OSTM1: variants seen among roughly 807,000 people sequenced by gnomAD.
The protein encoded by OSTM1 is osteoclastogenesis associated transmembrane protein 1.
Under a neutral mutation model 35.4 loss-of-function variants are expected in OSTM1, and 26 were observed. That is an observed-to-expected ratio of 0.73 (90% CI 0.54 to 1.02). The LOEUF (loss-of-function observed/expected upper bound fraction) is 1.02, where lower values mean the gene tolerates loss of function less well. OSTM1 is among the 50% of genes least tolerant of loss of function. The pLI, the probability that OSTM1 is intolerant of heterozygous loss-of-function variation, is 0.00. For missense variants in OSTM1, 366 were observed against 409.6 expected (o/e 0.89, Z 0.92); for synonymous variants, 181 against 165.0 (o/e 1.10, Z -0.75).
chr6:108,049,180 C>T, intron 5 of OSTM1, 73 bp downstream of exon 5: 2 of 993,704 alleles, frequency 2.0e-6, no homozygotes, highest in East Asian at 2.6e-5. Flanking sequence ...GAGTAGCTAT[C>T]ATTTCTAAAA....
At position 108,051,112 on chromosome 6, in the gene OSTM1, C is replaced by T; in HGVS notation, c.702G>A (p.Leu234=). 6.2e-7 allele frequency: 1 copy of T among 1,613,312 alleles called. No individual in the cohort carries two copies. Among genetic ancestry groups the T allele is most frequent in the Non-Finnish European group, 8.5e-7 (1 of 1,179,358 alleles). Residue 234 remains leucine (L), a synonymous_variant, in exon 4 of 6, where the codon CTG becomes CTA. Coordinates refer to ENST00000193322, the MANE Select transcript of OSTM1 (RefSeq NM_014028.4). Reference sequence around the variant, plus strand: ...CATTCATTTTTTGCATTTCACTGTACAGACTACTCAGAGTTTTGTATGCTT... The same window carrying T: ...CATTCATTTTTTGCATTTCACTGTATAGACTACTCAGAGTTTTGTATGCTT... The part of the protein sequence containing the change: ...CREAYKTLSS[L]YSEMQKMNEL...
chr6:108,056,315 T>C (rs1772168760), intron 2 of OSTM1, among the ~76,000 whole-genome samples: 1 of 152,178 alleles, frequency 6.6e-6, no homozygotes, highest in Admixed American at 6.5e-5. Flanking sequence ...ATAAAACTGG[T>C]AAGTAAAAAG....
At chr6:108,053,639 T>C (rs1451948728) in intron 3 of OSTM1, among the ~76,000 whole-genome samples, 1 of 152,212 alleles carries the variant, frequency 6.6e-6, no homozygotes, top group Non-Finnish European at 1.5e-5. Flanking sequence ...CTAAGTTTTG[T>C]ATTTTTAGTA....
At chr6:108,059,532 C>T (rs1562373571) in intron 2 of OSTM1, among the ~76,000 whole-genome samples, 3 of 152,128 alleles carry the variant, frequency 2.0e-5, no homozygotes, top group Non-Finnish European at 4.4e-5. Flanking sequence ...TAGATGCCAC[C>T]CCTATTTCAA....
intron 1 of OSTM1, among the ~76,000 whole-genome samples, chr6:108,073,447 C>T (rs1772522572): frequency 6.6e-6 from 1 of 152,120 alleles, no homozygotes; most frequent in Non-Finnish European, 1.5e-5. Context: ...AATTAAGTGC[C>T]TCACAGCAGC....
At chr6:108,072,074 G>A (rs985646915) in intron 1 of OSTM1, among the ~76,000 whole-genome samples, 3 of 152,140 alleles carry the variant, frequency 2.0e-5, no homozygotes, top group African/African-American at 7.2e-5. Context: ...AGCATTTGCT[G>A]CCTTCAAAGA....
chr6:108,073,968 T>A (rs1772534427), intron 1 of OSTM1, among the ~76,000 whole-genome samples: 1 of 151,562 alleles, frequency 6.6e-6, no homozygotes. Context: ...CGTGGTGGAG[T>A]GGGTGGAGGA....
At chr6:108,064,669 C>A (rs1167509297) in intron 1 of OSTM1, among the ~76,000 whole-genome samples, 1 of 152,200 alleles carries the variant, frequency 6.6e-6, no homozygotes, top group Non-Finnish European at 1.5e-5. Flanking sequence ...AAGCAAGGAA[C>A]TAAGTCCTGC....
At chr6:108,070,537 T>C (rs768243078) in intron 1 of OSTM1, among the ~76,000 whole-genome samples, 10 of 152,214 alleles carry the variant, frequency 6.6e-5, no homozygotes, top group African/African-American at 1.2e-4. Flanking sequence ...TCAAGAATAG[T>C]AGGTGCTTGC....
chr6:108,049,618 TC>T (rs1772042026), intron 4 of OSTM1, 200 bp from the exon 5 acceptor site: 2 of 1,306,602 alleles, frequency 1.5e-6, no homozygotes, highest in Non-Finnish European at 2.0e-6. Context: ...GAAATTTATA[TC>T]CATACAGAAA....
intron 5 of OSTM1, 66 bp downstream of exon 5, chr6:108,049,186 TA>T (rs1052602572): frequency 9.9e-6 from 11 of 1,108,580 alleles, no homozygotes; most frequent in Non-Finnish European, 1.2e-5. Flanking sequence ...CTATCATTTC[TA>T]AAACAGGCCT....
chr6:108,073,502 A>C lies in OSTM1; in HGVS notation c.402+748T>G, dbSNP rs543491190. 4.6e-5 allele frequency: 7 copies of C among 152,376 alleles called. No individual in the cohort carries two copies. In the East Asian group the frequency reaches 1.2e-3, roughly 25 times the overall value. The allele number at this position is 152,376 out of a possible 1,614,324, so 9.4% of individuals were successfully genotyped here. ...CCTTAAGGTATGAAGAATGAAGAGC[A>C]GTCTTACAATTTCTTAAAAATTTAC... On this transcript the variant is annotated intron_variant, in intron 1 of 5. Coordinates refer to ENST00000193322, the MANE Select transcript of OSTM1 (RefSeq NM_014028.4).
At position 108,042,012 on chromosome 6, in the gene OSTM1, C is replaced by G. The variant is rs886060959; in HGVS notation, c.*2773G>C. 6.6e-6 allele frequency: 1 copy of G among 152,062 alleles called. No individual in the cohort carries two copies. Among genetic ancestry groups the G allele is most frequent in the African/African-American group, 2.4e-5 (1 of 41,414 alleles). 9.4% of individuals were successfully genotyped at this position (152,062 alleles called of 1,614,324 possible). A position where few individuals can be genotyped will look rare whatever the true frequency, so the allele number is the denominator to read the frequency against. On this transcript the variant is annotated 3_prime_UTR_variant, in exon 6 of 6. Transcript: ENST00000193322. Reference sequence around the variant, plus strand: ...GATGTCATGTCTTTGGCCAGGAATGCAATCCTAATTAGCATTGTTCCAGGA... The same window carrying G: ...GATGTCATGTCTTTGGCCAGGAATGGAATCCTAATTAGCATTGTTCCAGGA...
At chr6:108,045,743 T>C (rs1412553570) in intron 5 of OSTM1, among the ~76,000 whole-genome samples, 3 of 152,184 alleles carry the variant, frequency 2.0e-5, no homozygotes, top group African/African-American at 7.2e-5. Flanking sequence ...GGCTTGGTAA[T>C]ATGTTTTGTA....
intron 1 of OSTM1, among the ~76,000 whole-genome samples, chr6:108,071,550 T>C (rs1484974378): frequency 6.8e-6 from 1 of 147,206 alleles, no homozygotes; most frequent in African/African-American, 2.6e-5. Flanking sequence ...TGGCCTCAGG[T>C]GATCTGCCTG....
At chr6:108,055,588 T>C (rs1772157696) in intron 2 of OSTM1, among the ~76,000 whole-genome samples, 1 of 152,236 alleles carries the variant, frequency 6.6e-6, no homozygotes, top group Non-Finnish European at 1.5e-5. Context: ...GTTCCAGATC[T>C]TGGAACTTGT....
At chr6:108,047,383 T>G (rs1011558432) in intron 5 of OSTM1, among the ~76,000 whole-genome samples, 2 of 152,016 alleles carry the variant, frequency 1.3e-5, no homozygotes, top group African/African-American at 4.8e-5. Context: ...ATGTGACGAG[T>G]TTAGAAAGGT....
Position 108,043,273 on chromosome 6 carries a change from A to C in OSTM1, c.*1512T>G, listed in dbSNP as rs773889431. On this transcript the variant is annotated 3_prime_UTR_variant, in exon 6 of 6. Transcript: ENST00000193322. Reference sequence around the variant, plus strand: ...AGACAGTGCTAAGTTCCAGCAGCATAAACAGTGACAGCAGAACAAACCCCA... The same window carrying C: ...AGACAGTGCTAAGTTCCAGCAGCATCAACAGTGACAGCAGAACAAACCCCA... 6.6e-6 allele frequency: 1 copy of C among 152,244 alleles called. No individual in the cohort carries two copies. The highest frequency in any genetic ancestry group is 2.4e-5 in the African/African-American group (1 of 41,458). 9.4% of individuals were successfully genotyped at this position (152,244 alleles called of 1,614,324 possible).
intron 5 of OSTM1, 45 bp from the exon 6 acceptor site, chr6:108,044,885 C>CATGTTTGATAATT: frequency 2.1e-6 from 2 of 975,054 alleles, no homozygotes; most frequent in Non-Finnish European, 3.1e-6. Flanking sequence ...ATTTAATTAT[C>CATGTTTGATAATT]AAACATGATT....
Sources: gnomAD v4.1 joint callset for allele counts (sites outside exome capture counted in the v4.1 genomes callset) on GRCh38, gnomAD v4.1.1 for gene constraint, MANE v1.5 for transcripts, NCBI Gene and HGNC (gene_info 2026-07-23, HGNC 2026-07-21) for gene names.